GRM7: variants seen among roughly 807,000 people sequenced by gnomAD.
GRM7 encodes the protein glutamate metabotropic receptor 7.
In GRM7, 35 loss-of-function variants were observed where a neutral mutation model predicts 84.5. The ratio of observed to expected loss-of-function variants is 0.41; its 90% CI spans 0.32 to 0.55. The LOEUF is 0.55. Ranked by LOEUF, GRM7 falls within the 20% of genes least tolerant of loss-of-function variation. The probability of loss-of-function intolerance (pLI) is 0.19; values close to 1 mark genes in which losing one functional copy is unlikely to be tolerated. For synonymous variants in GRM7, 487 were observed against 455.1 expected (o/e 1.07, Z -0.89); for missense variants, 1,003 against 1,194.6 (o/e 0.84, Z 2.36).
rs1036324522 is a variant in GRM7, at chr3:7,354,951, C to T, written c.1033+48299C>T. ...CAGCTCTCTGTCATAGTCTAGTTTG[C>T]GGGGATCTTGATTGCTTTTCCCTTC... On this transcript the variant is annotated intron_variant, in intron 4 of 9. Coordinates refer to ENST00000357716, the MANE Select transcript of GRM7 (RefSeq NM_000844.4). Among the ~76,000 whole-genome samples, 22 of 152,234 alleles carry T rather than the reference C, an allele frequency of 1.4e-4. 1 individual carries two copies. The highest frequency in any genetic ancestry group is 8.3e-4 in the South Asian group (4 of 4,826).
rs142098704 is a variant in GRM7, at chr3:6,906,977, C to A, written c.519+45070C>A. 9.7e-4 allele frequency among the ~76,000 whole-genome samples: 147 copies of A among 152,250 alleles called. 1 individual carries two copies. The highest frequency in any genetic ancestry group is 3.2e-3 in the African/African-American group (135 of 41,544). On this transcript the variant is annotated intron_variant, in intron 1 of 9. Coordinates refer to ENST00000357716, the MANE Select transcript of GRM7 (RefSeq NM_000844.4). ...CCATCACCACAATCAAGGTAATAGA[C>A]AAATTCAACACCTCCCAATATTCCC...
chr3:7,070,990 G>T lies in GRM7; in HGVS notation c.520-75462G>T, dbSNP rs542009005. Among the ~76,000 whole-genome samples, 18 of 152,164 alleles carry T rather than the reference G, an allele frequency of 1.2e-4. No homozygotes were observed. The South Asian group carries it at 3.3e-3, about 28-fold the overall frequency. ...TAAGACTTTTCAAGAGCACACTGGGGTTTTTCATTTCAGATCCTCTGGAGA... is the reference window on the plus strand; with the variant it reads ...TAAGACTTTTCAAGAGCACACTGGGTTTTTTCATTTCAGATCCTCTGGAGA... On this transcript the variant is annotated intron_variant, in intron 1 of 9. Coordinates refer to ENST00000357716, the MANE Select transcript of GRM7 (RefSeq NM_000844.4).
chr3:7,062,454 T>A (rs905078341), intron 1 of GRM7, among the ~76,000 whole-genome samples: 1 of 151,692 alleles, frequency 6.6e-6, no homozygotes, highest in African/African-American at 2.4e-5. Context: ...ATGAAAAATA[T>A]AGCACCTAAT....
intron 4 of GRM7, among the ~76,000 whole-genome samples, chr3:7,339,010 T>C (rs943442400): frequency 6.6e-6 from 1 of 151,972 alleles, no homozygotes; most frequent in African/African-American, 2.4e-5. Flanking sequence ...GTGTCTTTCA[T>C]AAAAATGTCA....
At chr3:7,274,859 T>C (rs1044727501) in intron 2 of GRM7, among the ~76,000 whole-genome samples, 4 of 152,130 alleles carry the variant, frequency 2.6e-5, no homozygotes, top group Non-Finnish European at 5.9e-5. Flanking sequence ...TCAATAATTA[T>C]ATATTGTTTC....
intron 8 of GRM7, among the ~76,000 whole-genome samples, chr3:7,670,871 T>C (rs772625128): frequency 1.4e-4 from 22 of 152,326 alleles, no homozygotes; most frequent in Non-Finnish European, 2.9e-4. Context: ...TAGTTCCGTT[T>C]TGATGAATAT....
chr3:7,578,908 A>T lies in GRM7; in HGVS notation c.2002A>T (p.Ile668Phe). 6.2e-7 allele frequency: 1 copy of T among 1,614,138 alleles called. No individual in the cohort carries two copies. The highest frequency in any genetic ancestry group is 8.5e-7 in the Non-Finnish European group (1 of 1,180,028). ...RRVFLGLGMC[I>F]SYAALLTKTN... ...AGTTTTCTTGGGCTTGGGTATGTGC[A>T]TCAGTTATGCAGCCCTCTTGACGAA... The change falls in exon 8 of 10, where the codon ATC becomes TTC. Residue 668 changes from isoleucine (I) to phenylalanine (F), a missense_variant. Transcript: ENST00000357716.
chr3:7,285,490 T>A (rs1401955638), intron 2 of GRM7, among the ~76,000 whole-genome samples: 1 of 152,134 alleles, frequency 6.6e-6, no homozygotes, highest in Non-Finnish European at 1.5e-5. Context: ...CCCAAATTAG[T>A]GTGCCTTCTC....
chr3:7,578,589 G>C lies in GRM7; in HGVS notation c.1683G>C (p.Gln561His). The C allele has an allele frequency of 6.2e-7, 1 of 1,614,128 alleles. No individual in the cohort carries two copies. Among genetic ancestry groups the C allele is most frequent in the Non-Finnish European group, 8.5e-7 (1 of 1,180,006 alleles). The change falls in exon 8 of 10, where the codon CAG becomes CAC. Residue 561 changes from glutamine to histidine, a missense_variant. Physicochemically the swap from Gln to His is conservative, Grantham distance 24. Coordinates refer to ENST00000357716, the MANE Select transcript of GRM7 (RefSeq NM_000844.4). Reference sequence around the variant, plus strand: ...ACCAGTTTGATGAGATGACATGCCAGCATTGCCCCTATGACCAGAGGCCCA... The same window carrying C: ...ACCAGTTTGATGAGATGACATGCCACCATTGCCCCTATGACCAGAGGCCCA... ...YQYQFDEMTCQHCPYDQRPNE... is the reference protein window; with the variant it reads ...YQYQFDEMTCHHCPYDQRPNE...
chr3:6,861,893 C>G lies in GRM7; in HGVS notation c.505C>G (p.Leu169Val). The G allele has an allele frequency of 6.2e-7, 1 of 1,610,064 alleles. No homozygotes were observed. Among genetic ancestry groups the G allele is most frequent in the Non-Finnish European group, 8.5e-7 (1 of 1,177,028 alleles). Residue 169 changes from leucine (L) to valine (V), a missense_variant, in exon 1 of 10, where the codon CTG becomes GTG. Around this residue, in one of 2 missense-constraint regions of GRM7, gnomAD observed 910 missense variants for 1,126.0 expected, o/e 0.81. Transcript: ENST00000357716. The surrounding 1 kb of genome is among the most constrained non-coding windows in gnomAD (Gnocchi z 6.4). ...GGTCTCCATCATGGTAGCCAACATC[C>G]TGAGGCTCTTCCAGGTAGGGATGCG... is the stretch of plus-strand genomic sequence containing the variant. ...SSVSIMVANI[L>V]RLFQIPQISY...
chr3:7,234,860 A>G (rs74877318), intron 2 of GRM7, among the ~76,000 whole-genome samples: 3,359 of 152,284 alleles, frequency 0.022, 63 homozygotes, highest in African/African-American at 0.054. Context: ...CTTATTTAAT[A>G]TTCTTGAAAG....
chr3:6,912,761 C>A (rs1311480559), intron 1 of GRM7, among the ~76,000 whole-genome samples: 1 of 151,882 alleles, frequency 6.6e-6, no homozygotes, highest in Admixed American at 6.6e-5. Context: ...AGAAAAAATG[C>A]TAAAATAAGT....
intron 7 of GRM7, among the ~76,000 whole-genome samples, chr3:7,470,654 C>T (rs1183714161): frequency 1.3e-5 from 2 of 152,094 alleles, no homozygotes; most frequent in Admixed American, 1.3e-4. Context: ...TAATAGACTC[C>T]AGATTCTCTG....
chr3:7,231,957 G>A (rs1014414877), intron 2 of GRM7, among the ~76,000 whole-genome samples: 10 of 152,196 alleles, frequency 6.6e-5, no homozygotes, highest in African/African-American at 2.4e-4. Context: ...CTGAGGGAGA[G>A]AGATGTGAAC....
intron 1 of GRM7, among the ~76,000 whole-genome samples, chr3:7,107,516 G>A (rs1177065933): frequency 6.6e-6 from 1 of 151,962 alleles, no homozygotes; most frequent in East Asian, 1.9e-4. Flanking sequence ...AGCCCCAGTA[G>A]AATCTAACCC....
intron 1 of GRM7, among the ~76,000 whole-genome samples, chr3:6,969,089 T>G (rs1693637150): frequency 1.1e-5 from 1 of 93,820 alleles, no homozygotes; most frequent in Admixed American, 9.3e-5. Context: ...AACCAGGGTG[T>G]TTTTTTTTTC....
rs535338085 is a variant in GRM7, at chr3:7,252,833, C to T, written c.737-45851C>T. Among the ~76,000 whole-genome samples the T allele has an allele frequency of 2.4e-3, 358 of 151,108 alleles. 2 individuals carry two copies. Among genetic ancestry groups the T allele is most frequent in the Middle Eastern group, 6.9e-3 (2 of 290 alleles). On this transcript the variant is annotated intron_variant, in intron 2 of 9. Transcript: ENST00000357716. Reference sequence around the variant, plus strand: ...CCTCCAGAGTAGCTGCGACTATAGGCGCCCGCCACCACACCCAGCTAATTT... The same window carrying T: ...CCTCCAGAGTAGCTGCGACTATAGGTGCCCGCCACCACACCCAGCTAATTT...
intron 9 of GRM7, among the ~76,000 whole-genome samples, chr3:7,686,038 A>G (rs902144455): frequency 1.3e-5 from 2 of 152,286 alleles, no homozygotes; most frequent in South Asian, 2.1e-4. Flanking sequence ...TAGGGTGAGA[A>G]AAAAGGGCTG....
At chr3:7,461,044 A>G (rs896324961) in intron 6 of GRM7, among the ~76,000 whole-genome samples, 1 of 152,226 alleles carries the variant, frequency 6.6e-6, no homozygotes, top group African/African-American at 2.4e-5. Flanking sequence ...TGCTTATGAT[A>G]TAAATTAGAA....
Sources: allele counts gnomAD v4.1 joint callset (sites outside exome capture counted in the v4.1 genomes callset), GRCh38; gene constraint gnomAD v4.1.1; regional missense constraint gnomAD v4.1.1; non-coding constraint Gnocchi (gnomAD v3.1); transcripts MANE v1.5; gene names NCBI Gene and HGNC (gene_info 2026-07-23, HGNC 2026-07-21).